PSMD1: variants seen among roughly 807,000 people sequenced by gnomAD.
The protein encoded by PSMD1 is 26S proteasome non-ATPase regulatory subunit 1.
PSMD1 carries 18 observed loss-of-function variants against 119.0 expected under a neutral mutation model. That is an observed-to-expected ratio of 0.15 (90% confidence interval 0.10 to 0.22). PSMD1 has a LOEUF of 0.22. Among genes scored for constraint, PSMD1 ranks in the 10% least tolerant of loss-of-function variants. The pLI, the probability that PSMD1 is intolerant of heterozygous loss-of-function variation, is 1.00. For missense variants in PSMD1, 702 were observed against 1,158.5 expected (o/e 0.61, Z 5.72); for synonymous variants, 374 against 396.6 (o/e 0.94, Z 0.68).
At chr2:231,154,062 G>A (rs780072638) in intron 19 of PSMD1, among the ~76,000 whole-genome samples, 7 of 152,010 alleles carry the variant, frequency 4.6e-5, no homozygotes, top group Admixed American at 1.3e-4. Context: ...GCAGTGAGTC[G>A]AGATCGCGCC....
chr2:231,134,165 A>G (rs555630869), intron 16 of PSMD1, among the ~76,000 whole-genome samples: 1 of 152,370 alleles, frequency 6.6e-6, no homozygotes, highest in South Asian at 2.1e-4. Context: ...AACCAGAAGT[A>G]TAGTAATACT....
intron 17 of PSMD1, 68 bp downstream of exon 17, chr2:231,138,918 T>G: frequency 8.7e-7 from 1 of 1,143,046 alleles, no homozygotes; most frequent in South Asian, 1.3e-5. Flanking sequence ...CCGCAGAATT[T>G]ATGTAACAGC....
chr2:231,068,702 G>T (rs1397516678), intron 5 of PSMD1, among the ~76,000 whole-genome samples: 1 of 152,066 alleles, frequency 6.6e-6, no homozygotes, highest in Non-Finnish European at 1.5e-5. Context: ...CACTTTAGTG[G>T]CCACCTTGCT....
intron 16 of PSMD1, chr2:231,108,892 A>G: frequency 6.2e-7 from 1 of 1,614,162 alleles, no homozygotes; most frequent in Non-Finnish European, 8.5e-7. Context: ...GCATTTGGAG[A>G]GTAGTTTGGT....
At chr2:231,149,208 C>T (rs1226010024) in intron 18 of PSMD1, among the ~76,000 whole-genome samples, 3 of 152,236 alleles carry the variant, frequency 2.0e-5, no homozygotes, top group Non-Finnish European at 4.4e-5. Context: ...CTCGCTAGCT[C>T]ATGCTCACAA....
chr2:231,099,838 T>A (rs1694820043), intron 16 of PSMD1, among the ~76,000 whole-genome samples: 2 of 152,140 alleles, frequency 1.3e-5, no homozygotes, highest in Non-Finnish European at 1.5e-5. Context: ...AAGGAGTAGT[T>A]CACTGCCCCC....
chr2:231,075,177 A>C (rs1345980142), intron 7 of PSMD1, among the ~76,000 whole-genome samples: 2 of 152,176 alleles, frequency 1.3e-5, no homozygotes, highest in African/African-American at 4.8e-5. Context: ...TTGGGGTCCC[A>C]GCCCCTTCTT....
intron 16 of PSMD1, among the ~76,000 whole-genome samples, chr2:231,109,750 A>G (rs1176070013): frequency 6.6e-6 from 1 of 152,222 alleles, no homozygotes; most frequent in African/African-American, 2.4e-5. Context: ...CAGATTAAGG[A>G]AGAGAAATTC....
chr2:231,067,942 C>T (rs1693946765), intron 5 of PSMD1, among the ~76,000 whole-genome samples: 1 of 152,222 alleles, frequency 6.6e-6, no homozygotes, highest in Non-Finnish European at 1.5e-5. Flanking sequence ...TAGGCATGAG[C>T]CACCACACCT....
intron 18 of PSMD1, among the ~76,000 whole-genome samples, chr2:231,151,489 GC>G (rs1696375074): frequency 6.6e-6 from 1 of 151,990 alleles, no homozygotes; most frequent in African/African-American, 2.4e-5. Flanking sequence ...ATAAAAACTA[GC>G]TTTTTAAAGC....
Position 231,090,793 on chromosome 2 carries a change from GA to G in PSMD1, c.1883+3614del, listed in dbSNP as rs1694570641. Among the ~76,000 whole-genome samples, 4 of 152,134 alleles carry G rather than the reference GA, an allele frequency of 2.6e-5. No individual in the cohort carries two copies. The South Asian group carries it at 8.3e-4, about 32-fold the overall frequency. On this transcript the variant is annotated intron_variant, in intron 16 of 24. Transcript: ENST00000308696. ...GGGTTCAAGGCTTTAGTGGAAGAAG[GA>G]ATTGCAGAATTGGTGAAAATAACAA...
At chr2:231,159,237 T>C (rs1030840306) in intron 19 of PSMD1, among the ~76,000 whole-genome samples, 28 of 152,226 alleles carry the variant, frequency 1.8e-4, no homozygotes, top group African/African-American at 6.5e-4. Flanking sequence ...GATTCTTGCA[T>C]TTCAAAGTTC....
At chr2:231,102,555 G>T (rs185425318) in intron 16 of PSMD1, among the ~76,000 whole-genome samples, 1 of 152,216 alleles carries the variant, frequency 6.6e-6, no homozygotes, top group Non-Finnish European at 1.5e-5. Flanking sequence ...CTAGAGAAAA[G>T]AAAATGTTAT....
intron 16 of PSMD1, among the ~76,000 whole-genome samples, chr2:231,100,880 C>T (rs1279840478): frequency 6.6e-6 from 1 of 152,230 alleles, no homozygotes; most frequent in Non-Finnish European, 1.5e-5. Flanking sequence ...GACTTACTGA[C>T]TGCGCAGTTT....
intron 15 of PSMD1, among the ~76,000 whole-genome samples, chr2:231,085,450 A>G (rs1216616784): frequency 6.6e-6 from 1 of 152,228 alleles, no homozygotes; most frequent in Non-Finnish European, 1.5e-5. Flanking sequence ...AAATTCAGTG[A>G]AGAACAGGAA....
At chr2:231,061,359 C>T (rs1385724534) in intron 2 of PSMD1, 49 bp downstream of exon 2, 1 of 1,417,218 alleles carries the variant, frequency 7.1e-7, no homozygotes, top group Non-Finnish European at 9.8e-7. Flanking sequence ...TACTGTGAAG[C>T]CTTTTGAATT....
intron 16 of PSMD1, among the ~76,000 whole-genome samples, chr2:231,092,953 G>C (rs997851674): frequency 6.6e-6 from 1 of 152,182 alleles, no homozygotes; most frequent in Non-Finnish European, 1.5e-5. Context: ...CACAGTGGGA[G>C]GATAGTGGAG....
chr2:231,147,244 G>C (rs531473485), intron 18 of PSMD1, among the ~76,000 whole-genome samples: 1 of 152,302 alleles, frequency 6.6e-6, no homozygotes, highest in South Asian at 2.1e-4. Flanking sequence ...TATAATCCCA[G>C]TACTCCCGGA....
intron 16 of PSMD1, among the ~76,000 whole-genome samples, chr2:231,135,602 T>TG (rs1328617135): frequency 5.9e-5 from 9 of 152,194 alleles, no homozygotes; most frequent in Non-Finnish European, 1.3e-4. Context: ...TTCAGTTACT[T>TG]GCTCATCTGG....
Sources: gnomAD v4.1 joint callset for allele counts (sites outside exome capture counted in the v4.1 genomes callset) on GRCh38, gnomAD v4.1.1 for gene constraint, MANE v1.5 for transcripts, NCBI Gene and HGNC (gene_info 2026-07-23, HGNC 2026-07-21) for gene names.